PTPN14: variants seen among roughly 807,000 people sequenced by gnomAD.
PTPN14 encodes tyrosine-protein phosphatase non-receptor type 14.
PTPN14 carries 53 observed loss-of-function variants against 126.8 expected under a neutral mutation model. The observed-to-expected ratio is 0.42, with a 90% confidence interval of 0.34 to 0.53. PTPN14 has a LOEUF of 0.53. PTPN14 is among the 20% of genes least tolerant of loss of function. The pLI is 0.08. For synonymous variants in PTPN14, 630 were observed against 599.3 expected, an observed-to-expected ratio of 1.05 and a Z score of -0.75; for missense variants, 1,257 against 1,552.9, an observed-to-expected ratio of 0.81 and a Z score of 3.20.
Position 214,401,706 on chromosome 1 carries a change from T to A in PTPN14, c.648A>T (p.Gly216=). 1 of 1,587,038 alleles carries A rather than the reference T, an allele frequency of 6.3e-7. No individual in the cohort carries two copies. Among genetic ancestry groups the A allele is most frequent in the Non-Finnish European group, 8.6e-7 (1 of 1,156,224 alleles). ...TTACCTTTACAGGGAAGATTTCCTGTCCAAATCCATCCAAACGTTCAACTT... is the reference window on the plus strand; with the variant it reads ...TTACCTTTACAGGGAAGATTTCCTGACCAAATCCATCCAAACGTTCAACTT... ...INEVERLDGF[G]QEIFPVKDNH... The change falls in exon 7 of 19, where the codon GGA becomes GGT. Residue 216 remains glycine, a synonymous_variant. Coordinates refer to ENST00000366956, the MANE Select transcript of PTPN14 (RefSeq NM_005401.5).
rs1657726056 is a variant in PTPN14 at position 214,352,526 on chromosome 1, C to T, written c.*5396G>A. ...ATTTCCCCCACATTTCTCCCTGGCA[C>T]GTTGCTGTTACTTTCAACAGACGCC... On this transcript the variant is annotated 3_prime_UTR_variant, in exon 19 of 19. Coordinates refer to ENST00000366956, the MANE Select transcript of PTPN14 (RefSeq NM_005401.5). 1.3e-5 allele frequency: 2 copies of T among 152,258 alleles called. No individual in the cohort carries two copies. Among genetic ancestry groups the T allele is most frequent in the South Asian group, 2.1e-4 (1 of 4,834 alleles). The allele number at this position is 152,258 out of a possible 1,614,324, so 9.4% of individuals were successfully genotyped here.
At chr1:214,434,390 T>A (rs1659865603) in intron 3 of PTPN14, among the ~76,000 whole-genome samples, 1 of 152,152 alleles carries the variant, frequency 6.6e-6, no homozygotes, top group Admixed American at 6.5e-5. Flanking sequence ...GGCAGTGTCC[T>A]CTGGTAACCT....
chr1:214,451,606 G>T (rs1354694476), intron 3 of PTPN14, among the ~76,000 whole-genome samples, 199 bp downstream of exon 3: 1 of 152,028 alleles, frequency 6.6e-6, no homozygotes, highest in Non-Finnish European at 1.5e-5. Context: ...AAACTGCTGG[G>T]GTTAGCTACA....
chr1:214,470,853 A>C (rs1474329642), intron 1 of PTPN14, among the ~76,000 whole-genome samples: 1 of 148,388 alleles, frequency 6.7e-6, no homozygotes, highest in Non-Finnish European at 1.5e-5. Flanking sequence ...ATCTCTACTA[A>C]AAAAAATATA....
At chr1:214,401,989 G>A (rs1158868078) in intron 6 of PTPN14, among the ~76,000 whole-genome samples, 1 of 151,996 alleles carries the variant, frequency 6.6e-6, no homozygotes, top group Non-Finnish European at 1.5e-5. Context: ...GGAAGGTAAA[G>A]TATTTAATTA....
chr1:214,516,373 C>A (rs576370154), intron 1 of PTPN14, among the ~76,000 whole-genome samples: 1 of 152,302 alleles, frequency 6.6e-6, no homozygotes, highest in South Asian at 2.1e-4. Context: ...TTCAGAGTAT[C>A]CTTTGCAAGG....
intron 3 of PTPN14, among the ~76,000 whole-genome samples, chr1:214,436,599 C>T (rs929431031): frequency 5.9e-5 from 9 of 151,854 alleles, no homozygotes; most frequent in African/African-American, 2.2e-4. Context: ...GAGTTCAAGA[C>T]CAGCTGGCCA....
In PTPN14 at chr1:214,515,545, T is replaced by C. The variant is rs540492074; in HGVS notation, c.-155+35638A>G. Among the ~76,000 whole-genome samples, 226 of 152,320 alleles carry C rather than the reference T, an allele frequency of 1.5e-3. 1 individual carries two copies. The highest frequency in any genetic ancestry group is 3.4e-3 in the Middle Eastern group (1 of 294). ...TAAAGATTGCACTGAATCTATATAT[T>C]GCTTTGTGTAGTGCTATCATGTTAA... On this transcript the variant is annotated intron_variant, in intron 1 of 18. Transcript: ENST00000366956.
chr1:214,510,597 C>T (rs143269619), intron 1 of PTPN14, among the ~76,000 whole-genome samples: 83 of 152,350 alleles, frequency 5.4e-4, no homozygotes, highest in African/African-American at 1.7e-3. Context: ...TGAATAAAAA[C>T]TCACACTCAG....
intron 1 of PTPN14, chr1:214,532,812 C>A: frequency 1.1e-6 from 1 of 889,356 alleles, no homozygotes. Context: ...AGGAGCTGCT[C>A]TTCATGAAGA....
intron 5 of PTPN14, among the ~76,000 whole-genome samples, chr1:214,409,671 C>G (rs1279061372): frequency 1.3e-5 from 2 of 152,126 alleles, no homozygotes; most frequent in Non-Finnish European, 2.9e-5. Context: ...GGAAGTTATA[C>G]CTCCTTTACT....
chr1:214,423,949 C>G (rs1659601197), intron 3 of PTPN14, among the ~76,000 whole-genome samples: 1 of 152,008 alleles, frequency 6.6e-6, no homozygotes, highest in African/African-American at 2.4e-5. Context: ...CCACTGCACT[C>G]CAGCCTGGGT....
At position 214,461,235 on chromosome 1, in the gene PTPN14, C is replaced by T. The variant is rs186623809; in HGVS notation, c.174+3395G>A. 1.9e-3 allele frequency among the ~76,000 whole-genome samples: 283 copies of T among 152,214 alleles called. 1 individual carries two copies. Among genetic ancestry groups the T allele is most frequent in the African/African-American group, 6.5e-3 (271 of 41,540 alleles). The stretch of plus-strand genomic sequence containing the variant: ...AAAAAATTTTAATCCACCATACATC[C>T]TTTCCTAATATAAAGCTATTACAAA... On this transcript the variant is annotated intron_variant, in intron 2 of 18. Coordinates refer to ENST00000366956, the MANE Select transcript of PTPN14 (RefSeq NM_005401.5).
intron 4 of PTPN14, among the ~76,000 whole-genome samples, chr1:214,411,953 C>T (rs17022827): frequency 0.017 from 2,612 of 152,248 alleles, 83 homozygotes; most frequent in African/African-American, 0.059. Flanking sequence ...AGCACCACTA[C>T]ATGAATTTTT....
intron 2 of PTPN14, among the ~76,000 whole-genome samples, chr1:214,458,042 G>T (rs1305726928): frequency 6.7e-6 from 1 of 150,350 alleles, no homozygotes; most frequent in Non-Finnish European, 1.5e-5. Context: ...TATACCTAGA[G>T]AGAGAGAGAG....
intron 1 of PTPN14, among the ~76,000 whole-genome samples, chr1:214,491,105 T>C (rs1170098387): frequency 6.6e-6 from 1 of 152,006 alleles, no homozygotes; most frequent in Non-Finnish European, 1.5e-5. Context: ...TTGCTTAATA[T>C]GGCATAACCC....
chr1:214,393,622 T>C, intron 10 of PTPN14, 73 bp downstream of exon 10: 1 of 1,198,366 alleles, frequency 8.3e-7, no homozygotes, highest in Non-Finnish European at 1.2e-6. Context: ...AAAAGAGATC[T>C]ACAGCACCCC....
intron 1 of PTPN14, among the ~76,000 whole-genome samples, chr1:214,472,751 A>T (rs150044781): frequency 5.1e-4 from 78 of 152,308 alleles, no homozygotes; most frequent in African/African-American, 1.8e-3. Context: ...GAAAAAATTG[A>T]ACTTGGGTTT....
intron 7 of PTPN14, among the ~76,000 whole-genome samples, chr1:214,400,184 C>T (rs1480128200): frequency 6.6e-6 from 1 of 152,228 alleles, no homozygotes; most frequent in Non-Finnish European, 1.5e-5. Context: ...TCCAGTCCTA[C>T]TCACAGTCTT....
Sources: allele counts gnomAD v4.1 joint callset (sites outside exome capture counted in the v4.1 genomes callset), GRCh38; gene constraint gnomAD v4.1.1; transcripts MANE v1.5; gene names NCBI Gene and HGNC (gene_info 2026-07-23, HGNC 2026-07-21).